The following MKNK2 variants were observed in gnomAD, a reference collection of about 807,000 sequenced individuals.
The protein encoded by MKNK2 is MAPK interacting serine/threonine kinase 2, also known as MAP kinase-interacting serine/threonine-protein kinase 2.
Under a neutral mutation model 55.0 loss-of-function variants are expected in MKNK2, and 54 were observed. That is an observed-to-expected ratio of 0.98 (90% CI 0.79 to 1.23). MKNK2 has a LOEUF of 1.23. Among genes scored for constraint, MKNK2 ranks in the 50% most tolerant of loss-of-function variants. MKNK2 has a pLI of 0.00. For synonymous variants in MKNK2, 323 were observed against 256.0 expected (o/e 1.26, Z -2.50); for missense variants, 685 against 632.1 (o/e 1.08, Z -0.90).
rs752018991 is a variant in MKNK2 at position 2,041,983 on chromosome 19, C to T, written c.802G>A (p.Glu268Lys). 3.8e-6 allele frequency: 6 copies of T among 1,559,914 alleles called. No homozygotes were observed. Among genetic ancestry groups the T allele is most frequent in the South Asian group, 3.5e-5 (3 of 85,046 alleles). Reference protein sequence around the residue: ...APEVVEAFSEEASIYDKRCDL... With the variant: ...APEVVEAFSEKASIYDKRCDL... ...CAGCGCTTGTCGTAGATGCTAGCCT[C>T]CTCGCTGAAGGCCTCCACTACCTCC... Residue 268 changes from glutamate (E) to lysine (K), a missense_variant, in exon 11 of 14, where the codon GAG becomes AAG. Coordinates refer to ENST00000250896, the MANE Select transcript of MKNK2 (RefSeq NM_199054.3).
rs925651781 is a variant in MKNK2 at position 2,051,243 on chromosome 19, C to G, written c.-244G>C. 4 of 137,492 alleles carry G rather than the reference C, an allele frequency of 2.9e-5. No homozygotes were observed. Among genetic ancestry groups the G allele is most frequent in the Non-Finnish European group, 6.0e-5 (4 of 66,554 alleles). The allele number at this position is 137,492 out of a possible 1,614,324, so 8.5% of individuals were successfully genotyped here. A position where few individuals can be genotyped will look rare whatever the true frequency, so the allele number is the denominator to read the frequency against. On this transcript the variant is annotated 5_prime_UTR_variant, in exon 1 of 14. Coordinates refer to ENST00000250896, the MANE Select transcript of MKNK2 (RefSeq NM_199054.3). ...CTGGGCCACCGCCGCTGAGAGGAGCCGGGCGCGTCGCCGCCGCCGCCACCT... is the reference window on the plus strand; with the variant it reads ...CTGGGCCACCGCCGCTGAGAGGAGCGGGGCGCGTCGCCGCCGCCGCCACCT...
Position 2,038,073 on chromosome 19 carries a change from G to C in MKNK2, c.*1540C>G. ...TTGGAAGGGGCAGTCCACAGATATG[G>C]GCAGTGGGGACCAGGGAAGGCAGAG... is the stretch of plus-strand genomic sequence containing the variant. On this transcript the variant is annotated 3_prime_UTR_variant, in exon 14 of 14. Transcript: ENST00000250896. The C allele has an allele frequency of 1.7e-6, 2 of 1,182,382 alleles. No homozygotes were observed. The highest frequency in any genetic ancestry group is 2.1e-6 in the Non-Finnish European group (2 of 948,696). The allele number at this position is 1,182,382 out of a possible 1,614,324, so 73.2% of individuals were successfully genotyped here. A position where few individuals can be genotyped will look rare whatever the true frequency, so the allele number is the denominator to read the frequency against.
Position 2,038,855 on chromosome 19 carries a change from GA to G in MKNK2, c.*757del, listed in dbSNP as rs1227151069. On this transcript the variant is annotated 3_prime_UTR_variant, in exon 14 of 14. Coordinates refer to ENST00000250896, the MANE Select transcript of MKNK2 (RefSeq NM_199054.3). ...CTGTCTCAGGCCTTGGTGTGGAGGG[GA>G]GGGGCAGCGGCGAGCCCCTGGGGTC... The G allele has an allele frequency of 3.0e-6, 3 of 985,776 alleles. No homozygotes were observed. The highest frequency in any genetic ancestry group is 3.6e-6 in the Non-Finnish European group (3 of 830,038). The allele number at this position is 985,776 out of a possible 1,614,324, so 61.1% of individuals were successfully genotyped here.
At chr19:2,042,391 G>A (rs1459923357) in intron 10 of MKNK2, 36 bp downstream of exon 10, 2 of 1,535,952 alleles carry the variant, frequency 1.3e-6, no homozygotes, top group East Asian at 2.4e-5. Context: ...CGCAGAGCAG[G>A]CGGCCGAGCC....
intron 5 of MKNK2, among the ~76,000 whole-genome samples, chr19:2,045,984 G>A (rs2016986797): frequency 6.6e-6 from 1 of 152,222 alleles, no homozygotes; most frequent in African/African-American, 2.4e-5. Context: ...TGGGCACAGT[G>A]CCTCTGTCTG....
chr19:2,042,886 C>G lies in MKNK2; in HGVS notation c.494-16G>C. The G allele has an allele frequency of 6.4e-7, 1 of 1,552,732 alleles. No homozygotes were observed. The highest frequency in any genetic ancestry group is 8.7e-7 in the Non-Finnish European group (1 of 1,147,456). On this transcript the variant is annotated splice_polypyrimidine_tract_variant and intron_variant, in intron 7 of 13. Coordinates refer to ENST00000250896, the MANE Select transcript of MKNK2 (RefSeq NM_199054.3). ...AGGATGGAGCCTGGGCAGGGCAGGGCAGGGCAGGACAGGGGGAACACGCAG... is the reference window on the plus strand; with the variant it reads ...AGGATGGAGCCTGGGCAGGGCAGGGGAGGGCAGGACAGGGGGAACACGCAG...
At chr19:2,041,667 C>T (rs1007311913) in intron 11 of MKNK2, among the ~76,000 whole-genome samples, 173 bp downstream of exon 11, 14 of 151,890 alleles carry the variant, frequency 9.2e-5, no homozygotes, top group South Asian at 8.3e-4. Flanking sequence ...GAGTAGGTCC[C>T]CGGGGGTCTG....
intron 2 of MKNK2, among the ~76,000 whole-genome samples, chr19:2,047,037 C>T (rs890405626): frequency 2.0e-5 from 3 of 152,156 alleles, no homozygotes; most frequent in African/African-American, 4.8e-5. Context: ...TGGCCTCAAG[C>T]GATCCTCCTG....
Position 2,040,119 on chromosome 19 carries a change from C to G in MKNK2, c.1154+15G>C. On this transcript the variant is annotated intron_variant, in intron 13 of 13. Transcript: ENST00000250896. ...CCCTGGACTCAGGGGTCCCGAGCAC[C>G]CCTGCGGGCCTTACCTCTGCAGGAC... The G allele has an allele frequency of 6.3e-7, 1 of 1,586,180 alleles. No individual in the cohort carries two copies. Among genetic ancestry groups the G allele is most frequent in the Non-Finnish European group, 8.6e-7 (1 of 1,167,724 alleles).
chr19:2,043,221 G>A (rs1235727777), intron 6 of MKNK2, 24 bp from the exon 7 acceptor site: 2 of 1,531,448 alleles, frequency 1.3e-6, no homozygotes, highest in South Asian at 2.2e-5. Flanking sequence ...GGGGGCAGGA[G>A]AGGAGCTGAG....
At chr19:2,040,230 G>T in intron 12 of MKNK2, 53 bp from the exon 13 acceptor site, 1 of 1,459,850 alleles carries the variant, frequency 6.9e-7, no homozygotes, top group Non-Finnish European at 9.2e-7. Context: ...GGCCGCCTGG[G>T]GCGCTGGGTG....
At chr19:2,042,159 G>C in intron 10 of MKNK2, 125 bp from the exon 11 acceptor site, 2 of 970,330 alleles carry the variant, frequency 2.1e-6, no homozygotes, top group South Asian at 3.7e-5. Flanking sequence ...CGACCAATCA[G>C]CGGCTGCCGG....
chr19:2,050,412 C>T (rs1290007249), intron 2 of MKNK2, among the ~76,000 whole-genome samples: 1 of 152,226 alleles, frequency 6.6e-6, no homozygotes, highest in Non-Finnish European at 1.5e-5. Flanking sequence ...CCAGCTGGAG[C>T]TTGCAGGGGA....
Position 2,038,497 on chromosome 19 carries a change from C to A in MKNK2, c.*1116G>T. ...ATGGAGGGTGGGGGGACTGAGCAGACCCCCGCATTCCTGGGTGCCCGAAGG... is the reference window on the plus strand; with the variant it reads ...ATGGAGGGTGGGGGGACTGAGCAGAACCCCGCATTCCTGGGTGCCCGAAGG... On this transcript the variant is annotated 3_prime_UTR_variant, in exon 14 of 14. Transcript: ENST00000250896. The A allele has an allele frequency of 1.0e-6, 1 of 985,552 alleles. No individual in the cohort carries two copies. Among genetic ancestry groups the A allele is most frequent in the South Asian group, 4.7e-5 (1 of 21,294 alleles). 61.1% of individuals were successfully genotyped at this position (985,552 alleles called of 1,614,324 possible). A position where few individuals can be genotyped will look rare whatever the true frequency, so the allele number is the denominator to read the frequency against.
chr19:2,050,758 G>C, intron 2 of MKNK2, 43 bp downstream of exon 2: 1 of 1,519,664 alleles, frequency 6.6e-7, no homozygotes, highest in Non-Finnish European at 8.8e-7. Context: ...GGCCATTCCG[G>C]TGGTCCAGCC....
chr19:2,043,971 G>A (rs574884719), intron 5 of MKNK2, among the ~76,000 whole-genome samples: 1 of 86,446 alleles, frequency 1.2e-5, no homozygotes, highest in South Asian at 4.7e-4. Context: ...GTGAGACTTC[G>A]CCTCAAAAAA....
In MKNK2 at chr19:2,046,360, C is replaced by T. The variant is rs754645834; in HGVS notation, c.241+7G>A. On this transcript the variant is annotated splice_region_variant and intron_variant, in intron 4 of 13. Transcript: ENST00000250896. Reference sequence around the variant, plus strand: ...CGGCTCCCCCAATGCCCGCCATCCCCGCTCACCTTCAAACCTGCCCGAGAA... The same window carrying T: ...CGGCTCCCCCAATGCCCGCCATCCCTGCTCACCTTCAAACCTGCCCGAGAA... The T allele has an allele frequency of 4.5e-5, 73 of 1,606,680 alleles. No homozygotes were observed. Among genetic ancestry groups the T allele is most frequent in the South Asian group, 2.0e-4 (18 of 91,048 alleles).
intron 2 of MKNK2, among the ~76,000 whole-genome samples, chr19:2,050,384 G>GT (rs1460461719): frequency 6.6e-6 from 1 of 152,172 alleles, no homozygotes; most frequent in African/African-American, 2.4e-5. Context: ...CCGCTGACCC[G>GT]TCCCCACCAG....
intron 2 of MKNK2, among the ~76,000 whole-genome samples, chr19:2,049,182 C>T (rs1236251083): frequency 1.3e-5 from 2 of 152,242 alleles, no homozygotes; most frequent in Non-Finnish European, 2.9e-5. Flanking sequence ...GCGGCCTCCT[C>T]GCCCGTGTAC....
Sources: allele counts gnomAD v4.1 joint callset (sites outside exome capture counted in the v4.1 genomes callset), GRCh38; gene constraint gnomAD v4.1.1; transcripts MANE v1.5; gene names NCBI Gene and HGNC (gene_info 2026-07-23, HGNC 2026-07-21).